The following FGF13 variants were observed in gnomAD, a reference collection of about 807,000 sequenced individuals.
The protein encoded by FGF13 is fibroblast growth factor homologous factor 2.
Under a neutral mutation model 19.5 loss-of-function variants are expected in FGF13, and 2 were observed. The observed-to-expected ratio is 0.10, with a 90% confidence interval of 0.04 to 0.32. The LOEUF (loss-of-function observed/expected upper bound fraction) is 0.32. Ranked by LOEUF, FGF13 falls within the 10% of genes least tolerant of loss-of-function variation. The pLI, the probability that FGF13 is intolerant of heterozygous loss-of-function variation, is 1.00. For synonymous variants in FGF13, 72 were observed against 76.9 expected, an observed-to-expected ratio of 0.94 and a Z score of 0.33; for missense variants, 113 against 192.7, an observed-to-expected ratio of 0.59 and a Z score of 2.45.
rs562735108 is a variant in FGF13, at chrX:139,183,897, C to G, written c.-113+19519G>C. ...CACATACTACTCAATGCAAGTGGCTCCACACTGTTCTTGCTTGCACTTTGC... is the reference window on the plus strand; with the variant it reads ...CACATACTACTCAATGCAAGTGGCTGCACACTGTTCTTGCTTGCACTTTGC... On this transcript the variant is annotated intron_variant, in intron 1 of 2. Transcript: ENST00000421460. 2.2e-4 allele frequency among the ~76,000 whole-genome samples: 24 copies of G among 111,482 alleles called. No homozygotes were observed. In the East Asian group the frequency reaches 5.7e-3, roughly 27 times the overall value.
At chrX:138,930,792 C>T (rs1378982926) in intron 1 of FGF13, among the ~76,000 whole-genome samples, 1 of 111,655 alleles carries the variant, frequency 9.0e-6, no homozygotes, top group East Asian at 2.8e-4. Flanking sequence ...ACAACTTGAC[C>T]AAATGGATTT....
intron 1 of FGF13, among the ~76,000 whole-genome samples, chrX:138,870,008 AG>A: frequency 8.9e-6 from 1 of 112,369 alleles, no homozygotes; most frequent in African/African-American, 3.2e-5. Flanking sequence ...TTTAAGAAAA[AG>A]GCATTACGAC....
chrX:139,155,083 A>G (rs2083966910), intron 1 of FGF13, among the ~76,000 whole-genome samples: 2 of 111,329 alleles, frequency 1.8e-5, no homozygotes, highest in Non-Finnish European at 3.8e-5. Flanking sequence ...CTGGTTCCAG[A>G]GCTTATTACT....
chrX:138,661,688 T>C (rs187864212), intron 3 of FGF13, among the ~76,000 whole-genome samples: 4 of 111,389 alleles, frequency 3.6e-5, no homozygotes, highest in African/African-American at 9.8e-5. Flanking sequence ...AGAAGGAGAG[T>C]TGGTACATTA....
At chrX:139,040,453 A>G (rs1033570367) in intron 1 of FGF13, among the ~76,000 whole-genome samples, 2 of 111,613 alleles carry the variant, frequency 1.8e-5, no homozygotes, top group African/African-American at 3.3e-5. Context: ...ACATAGATTC[A>G]ATCTTCAACA....
rs146724081 is a variant in FGF13 at position 138,763,061 on chromosome X, G to A, written c.218-54133C>T. Among the ~76,000 whole-genome samples, 653 of 110,923 alleles carry A rather than the reference G, an allele frequency of 5.9e-3. 8 individuals carry two copies. Among genetic ancestry groups the A allele is most frequent in the African/African-American group, 0.021 (627 of 30,548 alleles). The stretch of plus-strand genomic sequence containing the variant: ...ATACTTGACTATAAGTAGAGAAAAT[G>A]GAGACACCTGCTTAGCTCACAGCAA... On this transcript the variant is annotated intron_variant, in intron 3 of 6. Transcript: ENST00000436198.
At chrX:138,669,038 G>A (rs185712324) in intron 3 of FGF13, among the ~76,000 whole-genome samples, 25 of 111,071 alleles carry the variant, frequency 2.3e-4, no homozygotes, top group Admixed American at 8.7e-4. Flanking sequence ...TTAAAAATAG[G>A]CGAGAAAATG....
At chrX:138,858,982 C>A (rs1364725354) in intron 2 of FGF13, among the ~76,000 whole-genome samples, 2 of 111,857 alleles carry the variant, frequency 1.8e-5, no homozygotes, top group Non-Finnish European at 3.8e-5. Flanking sequence ...GGATTGTTGT[C>A]TTCCTTTATA....
chrX:138,779,539 C>A (rs754395369), intron 3 of FGF13, among the ~76,000 whole-genome samples: 1 of 108,779 alleles, frequency 9.2e-6, no homozygotes, highest in African/African-American at 3.4e-5. Flanking sequence ...GGAGCCGATG[C>A]GATCAACTGG....
chrX:139,194,304 CAA>C, intron 1 of FGF13, among the ~76,000 whole-genome samples: 1 of 112,191 alleles, frequency 8.9e-6, no homozygotes, highest in East Asian at 2.8e-4. Context: ...AGCAAAGCCT[CAA>C]AAAGTTAACT....
intron 3 of FGF13, among the ~76,000 whole-genome samples, chrX:138,800,700 T>C (rs748208349): frequency 8.9e-6 from 1 of 112,109 alleles, no homozygotes; most frequent in Non-Finnish European, 1.9e-5. Flanking sequence ...CCCCGTCACT[T>C]TCAGGTACAC....
upstream of FGF13, chrX:139,203,939 A>T (rs1368891744): frequency 4.2e-6 from 3 of 708,736 alleles, no homozygotes; most frequent in Non-Finnish European, 6.5e-6. Context: ...GGGGTCGCAG[A>T]GGTCATGGGC....
chrX:138,772,609 T>C (rs925870584), intron 3 of FGF13, among the ~76,000 whole-genome samples: 1 of 111,640 alleles, frequency 9.0e-6, no homozygotes, highest in African/African-American at 3.3e-5. Context: ...GTTTTGTTAG[T>C]GAGTTGCAAA....
chrX:138,673,979 G>A (rs2089639968), intron 3 of FGF13, among the ~76,000 whole-genome samples: 1 of 111,183 alleles, frequency 9.0e-6, no homozygotes, highest in African/African-American at 3.3e-5. Flanking sequence ...AAAAGCCTTA[G>A]CCTTAGGAGG....
intron 1 of FGF13, among the ~76,000 whole-genome samples, chrX:138,959,071 A>G (rs2091856373): frequency 9.0e-6 from 1 of 111,440 alleles, no homozygotes; most frequent in South Asian, 3.8e-4. Flanking sequence ...TAGCTTTTAA[A>G]TGTGTTTGCT....
intron 1 of FGF13, among the ~76,000 whole-genome samples, chrX:138,997,517 C>T (rs770266249): frequency 1.9e-4 from 21 of 111,473 alleles, no homozygotes; most frequent in African/African-American, 6.2e-4. Context: ...AAACGCAGCA[C>T]GAGAACTTCG....
intron 1 of FGF13, among the ~76,000 whole-genome samples, chrX:139,171,405 G>C (rs940187442): frequency 1.8e-5 from 2 of 111,980 alleles, no homozygotes; most frequent in Non-Finnish European, 3.8e-5. Flanking sequence ...ACTTGTGAAA[G>C]AAACAAGTGC....
rs183518068 is a variant in FGF13 at position 138,926,102 on chromosome X, C to A, written c.-112-61452G>T. On this transcript the variant is annotated intron_variant, in intron 1 of 2. Transcript: ENST00000421460. Reference sequence around the variant, plus strand: ...CTCTTGTTGATCTCACTCTCCACTGCCAAGAAATGGAGGTGAGTGGTTCCT... The same window carrying A: ...CTCTTGTTGATCTCACTCTCCACTGACAAGAAATGGAGGTGAGTGGTTCCT... 7.3e-3 allele frequency among the ~76,000 whole-genome samples: 820 copies of A among 111,869 alleles called. 9 individuals are homozygous for A. Among genetic ancestry groups the A allele is most frequent in the Non-Finnish European group, 9.9e-3 (525 of 53,170 alleles).
At position 138,627,618 on chromosome X, in the gene FGF13, T is replaced by TGTGTGTGTGTGCGC. The variant is rs1334855597; in HGVS notation, c.*5231_*5232insGCGCACACACACAC. 1 of 94,998 alleles carries TGTGTGTGTGTGCGC rather than the reference T, an allele frequency of 1.1e-5. No individual in the cohort carries two copies. The highest frequency in any genetic ancestry group is 2.0e-5 in the Non-Finnish European group (1 of 48,794). 7.8% of individuals were successfully genotyped at this position (94,998 alleles called of 1,213,427 possible). ...GTGCCTGTGTGTGTGTGTGTGTGTGTGTGTGTGTGCGCGTGTGTGTGTGTG... is the reference window on the plus strand; with the variant it reads ...GTGCCTGTGTGTGTGTGTGTGTGTGTGTGTGTGTGTGCGCGTGTGTGTGCGCGTGTGTGTGTGTG... On this transcript the variant is annotated 3_prime_UTR_variant, in exon 5 of 5. Coordinates refer to ENST00000315930, the MANE Select transcript of FGF13 (RefSeq NM_004114.5).
Sources: gnomAD v4.1 joint callset for allele counts (sites outside exome capture counted in the v4.1 genomes callset) on GRCh38, gnomAD v4.1.1 for gene constraint, MANE v1.5 for transcripts, NCBI Gene and HGNC (gene_info 2026-07-23, HGNC 2026-07-21) for gene names.